Variants in AFDN observed in about 807,000 individuals in gnomAD.
The protein encoded by AFDN is afadin.
Under a neutral mutation model 216.6 loss-of-function variants are expected in AFDN, and 68 were observed. The observed-to-expected ratio is 0.31, with a 90% CI of 0.26 to 0.38. The LOEUF is 0.38. Among genes scored for constraint, AFDN ranks in the 10% least tolerant of loss-of-function variants. The pLI is 1.00. For missense variants in AFDN, 2,136 were observed against 2,342.0 expected, an observed-to-expected ratio of 0.91 and a Z score of 1.82; for synonymous variants, 868 against 853.7, an observed-to-expected ratio of 1.02 and a Z score of -0.29.
At chr6:167,895,149 G>C (rs1021161607) in intron 9 of AFDN, among the ~76,000 whole-genome samples, 7 of 151,610 alleles carry the variant, frequency 4.6e-5, no homozygotes, top group Non-Finnish European at 8.8e-5. Flanking sequence ...CTAGCCACCA[G>C]GGAGCTCAGA....
Position 167,948,304 on chromosome 6 carries a change from T to C in AFDN, c.3657T>C (p.Pro1219=). 1 of 1,611,712 alleles carries C rather than the reference T, an allele frequency of 6.2e-7. No homozygotes were observed. Among genetic ancestry groups the C allele is most frequent in the South Asian group, 1.1e-5 (1 of 90,484 alleles). Residue 1219 remains proline, a synonymous_variant, in exon 29 of 34, where the codon CCT becomes CCC. Transcript: ENST00000683244. ...TTCACATTTTACAGGAGCAGACGCC[T>C]CCGCCTAGACCTGAAGCCTACCCCA... ...TGNLCTEEQT[P]PPRPEAYPIP... is the part of the protein sequence containing the mutation.
intron 8 of AFDN, among the ~76,000 whole-genome samples, chr6:167,892,189 T>G (rs1787697052): frequency 1.3e-5 from 2 of 152,138 alleles, no homozygotes; most frequent in South Asian, 4.1e-4. Flanking sequence ...GCTTCAGGAC[T>G]TTAAAAAAAT....
Position 167,965,968 on chromosome 6 carries a change from T to C in AFDN, c.5180T>C (p.Leu1727Pro). 1 of 1,537,468 alleles carries C rather than the reference T, an allele frequency of 6.5e-7. No individual in the cohort carries two copies. Among genetic ancestry groups the C allele is most frequent in the Non-Finnish European group, 8.8e-7 (1 of 1,140,650 alleles). ...GCCTCCTACCTCAAAACACAGGTCC[T>C]CTCCCCCGACTCGCTGTTCACTGCC... The part of the protein sequence containing the change: ...RNASYLKTQV[L>P]SPDSLFTAKF... The change falls in exon 32 of 34, where the codon CTC (leucine) becomes CCC (proline). Residue 1727 changes from leucine to proline, a missense_variant. Around this residue, in one of 8 missense-constraint regions of AFDN, gnomAD observed 981 missense variants for 966.0 expected, o/e 1.02. Transcript: ENST00000683244.
chr6:167,910,055 G>A (rs898673241), intron 13 of AFDN, among the ~76,000 whole-genome samples: 5 of 152,204 alleles, frequency 3.3e-5, no homozygotes, highest in African/African-American at 1.2e-4. Flanking sequence ...ACATGGCTAA[G>A]TGAAAGAATA....
chr6:167,919,418 T>C (rs1267645058), intron 21 of AFDN, among the ~76,000 whole-genome samples: 1 of 152,248 alleles, frequency 6.6e-6, no homozygotes, highest in Non-Finnish European at 1.5e-5. Flanking sequence ...CACCTCAGTT[T>C]CTTTTCAGTG....
chr6:167,913,554 G>C (rs1031992172), intron 16 of AFDN, 131 bp downstream of exon 16: 8 of 821,084 alleles, frequency 9.7e-6, no homozygotes, highest in Admixed American at 7.1e-5. Flanking sequence ...ACTGAGACAT[G>C]CAGTACTAAA....
chr6:167,952,238 T>C, intron 30 of AFDN, 51 bp downstream of exon 30: 1 of 1,612,938 alleles, frequency 6.2e-7, no homozygotes, highest in Non-Finnish European at 8.5e-7. Flanking sequence ...CTATTTTAGC[T>C]TCTGCGTGTT....
chr6:167,835,282 A>T (rs1315220499), intron 1 of AFDN, among the ~76,000 whole-genome samples: 1 of 152,256 alleles, frequency 6.6e-6, no homozygotes, highest in East Asian at 1.9e-4. Context: ...TCACTGTCAT[A>T]GGCAGCACTT....
intron 1 of AFDN, among the ~76,000 whole-genome samples, chr6:167,855,650 C>T (rs1172747459): frequency 6.6e-6 from 1 of 152,040 alleles, no homozygotes; most frequent in Admixed American, 6.6e-5. Context: ...TAGCTTATAG[C>T]TTTAACAACT....
chr6:167,913,305 C>T, intron 15 of AFDN, 98 bp from the exon 16 acceptor site: 1 of 1,150,784 alleles, frequency 8.7e-7, no homozygotes, highest in Middle Eastern at 2.0e-4. Flanking sequence ...TCATGTCGTA[C>T]CTTCATATTA....
Position 167,970,330 on chromosome 6 carries a change from A to G in AFDN, c.*395A>G, listed in dbSNP as rs1180882291. 4.3e-5 allele frequency: 11 copies of G among 258,098 alleles called. No homozygotes were observed. The highest frequency in any genetic ancestry group is 8.0e-5 in the Non-Finnish European group (11 of 136,692). 16.0% of individuals were successfully genotyped at this position (258,098 alleles called of 1,614,324 possible). A position where few individuals can be genotyped will look rare whatever the true frequency, so the allele number is the denominator to read the frequency against. On this transcript the variant is annotated 3_prime_UTR_variant, in exon 34 of 34. Transcript: ENST00000683244. ...AAGAAGTTCTGTTTCTGTTTTTTTC[A>G]GAAACTTTATTTTAGCTGTCAAGCA...
intron 6 of AFDN, among the ~76,000 whole-genome samples, chr6:167,888,978 C>T (rs1282120782): frequency 6.6e-6 from 1 of 152,098 alleles, no homozygotes; most frequent in Non-Finnish European, 1.5e-5. Flanking sequence ...ATTTAGTCTA[C>T]CTCTTTTTAG....
intron 17 of AFDN, 112 bp from the exon 18 acceptor site, chr6:167,914,532 T>A: frequency 1.1e-6 from 1 of 928,270 alleles, no homozygotes; most frequent in South Asian, 1.7e-5. Flanking sequence ...TCCACATTTT[T>A]TTTTTAATGG....
chr6:167,913,982 G>T, intron 16 of AFDN, 186 bp from the exon 17 acceptor site: 2 of 558,648 alleles, frequency 3.6e-6, no homozygotes, highest in East Asian at 2.9e-5. Flanking sequence ...AGTTGCAGTG[G>T]TTATTTACTT....
intron 3 of AFDN, among the ~76,000 whole-genome samples, chr6:167,871,703 A>G (rs568533979): frequency 5.2e-4 from 80 of 152,386 alleles, no homozygotes; most frequent in African/African-American, 1.7e-3. Context: ...TTGCACAAAC[A>G]TAATACTTAC....
chr6:167,836,826 T>TA (rs1780497371), intron 1 of AFDN, among the ~76,000 whole-genome samples: 1 of 152,194 alleles, frequency 6.6e-6, no homozygotes, highest in Non-Finnish European at 1.5e-5. Flanking sequence ...ATAATACAGA[T>TA]AAAAAATTGT....
In AFDN at chr6:167,911,301, T is replaced by G; in HGVS notation, c.1849T>G (p.Ser617Ala). Residue 617 changes from serine to alanine, a missense_variant, in exon 15 of 34, where the codon TCT becomes GCT. Physicochemically the swap from Ser to Ala is moderately conservative, Grantham distance 99. This residue lies in a region of AFDN where 817 missense variants were observed against 965.7 expected (regional missense o/e 0.85). Transcript: ENST00000683244. Reference sequence around the variant, plus strand: ...TTCCACAGCTGAAGATTCATTTTTGTCTGCCATTATAAATTATACTAATAG... The same window carrying G: ...TTCCACAGCTGAAGATTCATTTTTGGCTGCCATTATAAATTATACTAATAG... ...FRESSEDSFL[S>A]AIINYTNSST... 2.5e-6 allele frequency: 4 copies of G among 1,613,886 alleles called. No individual in the cohort carries two copies. The highest frequency in any genetic ancestry group is 3.4e-6 in the Non-Finnish European group (4 of 1,179,802).
At chr6:167,860,136 G>T (rs1165018873) in intron 1 of AFDN, among the ~76,000 whole-genome samples, 1 of 136,404 alleles carries the variant, frequency 7.3e-6, no homozygotes, top group Non-Finnish European at 1.6e-5. Flanking sequence ...TCTTCATTTA[G>T]GTATTAAGTA....
intron 11 of AFDN, among the ~76,000 whole-genome samples, chr6:167,901,469 G>T (rs1021228409): frequency 3.9e-5 from 6 of 152,164 alleles, no homozygotes; most frequent in Admixed American, 6.5e-5. Flanking sequence ...GACATATTTA[G>T]AAATTTTGAT....
Sources: allele counts gnomAD v4.1 joint callset (sites outside exome capture counted in the v4.1 genomes callset), GRCh38; gene constraint gnomAD v4.1.1; regional missense constraint gnomAD v4.1.1; transcripts MANE v1.5; gene names NCBI Gene and HGNC (gene_info 2026-07-23, HGNC 2026-07-21).